TNRC6B: variants seen among roughly 807,000 people sequenced by gnomAD.
TNRC6B encodes the protein trinucleotide repeat containing adaptor 6B, also known as trinucleotide repeat-containing gene 6B protein.
In TNRC6B, 52 loss-of-function variants were observed where a neutral mutation model predicts 203.6. The observed-to-expected ratio is 0.26, with a 90% CI of 0.20 to 0.32. TNRC6B has a LOEUF of 0.32. Among genes scored for constraint, TNRC6B ranks in the 10% least tolerant of loss-of-function variants. The probability of loss-of-function intolerance (pLI) is 1.00; values close to 1 mark genes in which losing one functional copy is unlikely to be tolerated. For synonymous variants in TNRC6B, 838 were observed against 845.7 expected (o/e 0.99, Z 0.16); for missense variants, 1,923 against 2,286.2 (o/e 0.84, Z 3.24).
chr22:40,102,362 T>C lies in TNRC6B; in HGVS notation c.-120-14693T>C, dbSNP rs1045504628. On this transcript the variant is annotated intron_variant, in intron 1 of 23. Transcript: ENST00000301923. ...GATCATTATTTGTTGTTGTCCCTTA[T>C]TAGGATTCATTATTTGGAAAATAAG... 2.0e-5 allele frequency among the ~76,000 whole-genome samples: 3 copies of C among 151,964 alleles called. 1 individual carries two copies. In the South Asian group the frequency reaches 6.2e-4, roughly 31 times the overall value.
At chr22:40,111,021 A>G (rs1427555111) in intron 1 of TNRC6B, among the ~76,000 whole-genome samples, 1 of 152,208 alleles carries the variant, frequency 6.6e-6, no homozygotes, top group East Asian at 1.9e-4. Context: ...GTGTACACAC[A>G]CATAAGCAAG....
chr22:40,048,939 C>A (rs369130808), intron 1 of TNRC6B, among the ~76,000 whole-genome samples: 2 of 152,080 alleles, frequency 1.3e-5, no homozygotes, highest in East Asian at 1.9e-4. Flanking sequence ...CCCGCTCCCC[C>A]CTCCCAACTT....
rs2044002426 is a variant in TNRC6B, at chr22:40,333,378, C to A, written c.*10137C>A. ...CAAAAGACACACACACACACAAAAA[C>A]CCTGTCTTAAATAGCTGCCATCTCT... On this transcript the variant is annotated 3_prime_UTR_variant, in exon 23 of 23. Coordinates refer to ENST00000454349, the MANE Select transcript of TNRC6B (RefSeq NM_001162501.2). The A allele has an allele frequency of 6.6e-6, 1 of 152,552 alleles. No homozygotes were observed. Among genetic ancestry groups the A allele is most frequent in the Non-Finnish European group, 1.5e-5 (1 of 68,052 alleles). The allele number at this position is 152,552 out of a possible 1,614,324, so 9.4% of individuals were successfully genotyped here. A position where few individuals can be genotyped will look rare whatever the true frequency, so the allele number is the denominator to read the frequency against.
In TNRC6B at chr22:40,129,494, C is replaced by G. The variant is rs553141550; in HGVS notation, c.45+3632C>G. Reference sequence around the variant, plus strand: ...CTTGAGGTGTATTTTGGCGCCAAAACTGATGTGACTCGAGGATGGATTGAG... The same window carrying G: ...CTTGAGGTGTATTTTGGCGCCAAAAGTGATGTGACTCGAGGATGGATTGAG... On this transcript the variant is annotated intron_variant, in intron 3 of 23. Transcript: ENST00000301923. Among the ~76,000 whole-genome samples, 48 of 152,202 alleles carry G rather than the reference C, an allele frequency of 3.2e-4. 1 individual carries two copies. Among genetic ancestry groups the G allele is most frequent in the Admixed American group, 2.8e-3 (43 of 15,286 alleles).
At chr22:40,139,079 T>C (rs941620696) in intron 3 of TNRC6B, among the ~76,000 whole-genome samples, 4 of 152,156 alleles carry the variant, frequency 2.6e-5, no homozygotes, top group Non-Finnish European at 5.9e-5. Flanking sequence ...AGAAACTGTA[T>C]CCATTAGCAG....
chr22:40,228,760 G>A (rs1199738047), intron 1 of TNRC6B, among the ~76,000 whole-genome samples: 4 of 151,708 alleles, frequency 2.6e-5, no homozygotes, highest in African/African-American at 2.4e-5. Context: ...TCCTGACCTC[G>A]TGATCCACCC....
chr22:40,169,382 G>A (rs1272498294), intron 4 of TNRC6B, among the ~76,000 whole-genome samples: 2 of 151,808 alleles, frequency 1.3e-5, no homozygotes, highest in African/African-American at 2.4e-5. Flanking sequence ...CACCCACCTC[G>A]GCCTTCCAAA....
rs1336354669 is a variant in TNRC6B at position 40,331,819 on chromosome 22, A to G, written c.*8578A>G. On this transcript the variant is annotated 3_prime_UTR_variant, in exon 23 of 23. Coordinates refer to ENST00000454349, the MANE Select transcript of TNRC6B (RefSeq NM_001162501.2). ...TCCTTGTTCTTCAGTTTCTGTGTCC[A>G]TGGTGTCCCCGTGTCCTGGAGGGGA... 3.2e-5 allele frequency: 12 copies of G among 369,418 alleles called. No homozygotes were observed. The highest frequency in any genetic ancestry group is 4.9e-5 in the Non-Finnish European group (10 of 205,860). The allele number at this position is 369,418 out of a possible 1,614,324, so 22.9% of individuals were successfully genotyped here.
At chr22:40,094,292 G>A (rs2068171368) in intron 1 of TNRC6B, among the ~76,000 whole-genome samples, 1 of 151,836 alleles carries the variant, frequency 6.6e-6, no homozygotes, top group African/African-American at 2.4e-5. Flanking sequence ...TGTATTTTAT[G>A]CTCCATTAAG....
chr22:40,304,078 C>T (rs1045534470), intron 15 of TNRC6B, among the ~76,000 whole-genome samples: 9 of 151,938 alleles, frequency 5.9e-5, no homozygotes, highest in African/African-American at 1.9e-4. Flanking sequence ...AATTAAATGC[C>T]GAAGATGTAA....
intron 12 of TNRC6B, among the ~76,000 whole-genome samples, chr22:40,293,953 A>G (rs1250955427): frequency 1.3e-5 from 2 of 151,776 alleles, no homozygotes; most frequent in African/African-American, 4.8e-5. Context: ...CTAGAAAAAA[A>G]AAAAAAGGCC....
rs762753097 is a variant in TNRC6B at position 40,262,192 on chromosome 22, C to T, written c.457+19C>T. The T allele has an allele frequency of 1.7e-5, 23 of 1,360,018 alleles. No individual in the cohort carries two copies. Among genetic ancestry groups the T allele is most frequent in the South Asian group, 2.1e-5 (1 of 47,098 alleles). The allele number at this position is 1,360,018 out of a possible 1,614,324, so 84.2% of individuals were successfully genotyped here. A position where few individuals can be genotyped will look rare whatever the true frequency, so the allele number is the denominator to read the frequency against. On this transcript the variant is annotated intron_variant, in intron 4 of 22. Coordinates refer to ENST00000454349, the MANE Select transcript of TNRC6B (RefSeq NM_001162501.2). Reference sequence around the variant, plus strand: ...GCGCCAGGTAAGGCACCCTGTGAATCGAATGCATGGCAGCTTGACAGAGAG... The same window carrying T: ...GCGCCAGGTAAGGCACCCTGTGAATTGAATGCATGGCAGCTTGACAGAGAG...
At chr22:40,235,852 A>C (rs1402414486) in intron 1 of TNRC6B, among the ~76,000 whole-genome samples, 1 of 152,194 alleles carries the variant, frequency 6.6e-6, no homozygotes, top group East Asian at 1.9e-4. Flanking sequence ...ATGATTTCTC[A>C]AATTCCTTTT....
chr22:40,183,826 C>A (rs1336772641), intron 1 of TNRC6B, among the ~76,000 whole-genome samples: 1 of 152,040 alleles, frequency 6.6e-6, no homozygotes, highest in Non-Finnish European at 1.5e-5. Flanking sequence ...TCCCGAGTAG[C>A]TGGGATTACA....
intron 2 of TNRC6B, among the ~76,000 whole-genome samples, chr22:40,121,696 A>C (rs2068447494): frequency 6.6e-6 from 1 of 152,112 alleles, no homozygotes; most frequent in Admixed American, 6.6e-5. Context: ...CAGCATCACC[A>C]CCACCGCCAC....
intron 12 of TNRC6B, among the ~76,000 whole-genome samples, chr22:40,290,672 C>A (rs1026074907): frequency 1.3e-5 from 2 of 152,118 alleles, no homozygotes; most frequent in Non-Finnish European, 2.9e-5. Context: ...CTCCCCCACC[C>A]CCCGACCCGC....
intron 1 of TNRC6B, among the ~76,000 whole-genome samples, chr22:40,245,698 A>G (rs2070097326): frequency 7.0e-6 from 1 of 143,058 alleles, no homozygotes; most frequent in Non-Finnish European, 1.5e-5. Flanking sequence ...TCCTTTGCTG[A>G]GTGGAAATTA....
chr22:40,239,745 T>C (rs951047567), intron 1 of TNRC6B, among the ~76,000 whole-genome samples: 4 of 152,220 alleles, frequency 2.6e-5, no homozygotes, highest in African/African-American at 9.6e-5. Context: ...CTCAGCATCG[T>C]TGCTTTTTGG....
intron 3 of TNRC6B, among the ~76,000 whole-genome samples, chr22:40,258,229 C>T (rs1268559386): frequency 6.6e-6 from 1 of 151,916 alleles, no homozygotes; most frequent in Non-Finnish European, 1.5e-5. Flanking sequence ...GCACAACTTA[C>T]AAATCCTTAA....
Sources: gnomAD v4.1 joint callset for allele counts (sites outside exome capture counted in the v4.1 genomes callset) on GRCh38, gnomAD v4.1.1 for gene constraint, MANE v1.5 for transcripts, NCBI Gene and HGNC (gene_info 2026-07-23, HGNC 2026-07-21) for gene names.